The following SATB2 variants were observed in gnomAD, a reference collection of about 807,000 sequenced individuals.
The protein encoded by SATB2 is SATB homeobox 2.
SATB2 carries 1 observed loss-of-function variant against 73.4 expected under a neutral mutation model. The ratio of observed to expected loss-of-function variants is 0.01; its 90% confidence interval spans 0.00 to 0.06. SATB2 has a LOEUF of 0.06. Ranked by LOEUF, SATB2 falls within the 10% of genes least tolerant of loss-of-function variation. SATB2 has a pLI of 1.00. For missense variants in SATB2, 459 were observed against 945.8 expected, an observed-to-expected ratio of 0.49 and a Z score of 6.75; for synonymous variants, 397 against 367.0, an observed-to-expected ratio of 1.08 and a Z score of -0.93.
chr2:199,282,217 T>C (rs530959514), intron 10 of SATB2, among the ~76,000 whole-genome samples: 34 of 152,202 alleles, frequency 2.2e-4, no homozygotes, highest in Non-Finnish European at 3.4e-4. Context: ...TCAGTTACTA[T>C]TCTTGTTCAG....
intron 9 of SATB2, among the ~76,000 whole-genome samples, chr2:199,313,603 A>T (rs1687652370): frequency 6.6e-6 from 1 of 152,196 alleles, no homozygotes; most frequent in South Asian, 2.1e-4. Context: ...CAGTCAAGAT[A>T]TAGTTTGTTT....
chr2:199,378,408 T>C (rs1247797893), intron 5 of SATB2, among the ~76,000 whole-genome samples: 1 of 152,374 alleles, frequency 6.6e-6, no homozygotes, highest in African/African-American at 2.4e-5. Context: ...TCCTAACTTG[T>C]TCTTTGTCCA....
chr2:199,433,123 T>C (rs554579830), intron 3 of SATB2, among the ~76,000 whole-genome samples: 7 of 152,320 alleles, frequency 4.6e-5, no homozygotes, highest in African/African-American at 1.4e-4. Flanking sequence ...CGGTTTGAAA[T>C]GCAAGTTGAT....
chr2:199,344,240 CGAACACACACACA>C (rs1688586323), intron 7 of SATB2, among the ~76,000 whole-genome samples: 1 of 151,906 alleles, frequency 6.6e-6, no homozygotes, highest in Non-Finnish European at 1.5e-5. Flanking sequence ...GACAGATGAA[CGAACACACACACA>C]CAACACACAC....
intron 7 of SATB2, among the ~76,000 whole-genome samples, chr2:199,340,315 T>A (rs1038279438): frequency 6.6e-6 from 1 of 152,214 alleles, no homozygotes; most frequent in Non-Finnish European, 1.5e-5. Flanking sequence ...AAAGGATTTT[T>A]AAAATCCTGT....
intron 6 of SATB2, among the ~76,000 whole-genome samples, chr2:199,366,877 A>G (rs1455850267): frequency 6.7e-6 from 1 of 149,074 alleles, no homozygotes; most frequent in South Asian, 2.1e-4. Context: ...AGAAAAGTAG[A>G]AGATATGAGT....
intron 8 of SATB2, among the ~76,000 whole-genome samples, chr2:199,326,705 A>G (rs1688038694): frequency 6.6e-6 from 1 of 152,154 alleles, no homozygotes; most frequent in Non-Finnish European, 1.5e-5. Context: ...ATTTAGCAGA[A>G]GTAAATATTA....
At chr2:199,338,710 A>T (rs1450124309) in intron 7 of SATB2, among the ~76,000 whole-genome samples, 1 of 152,014 alleles carries the variant, frequency 6.6e-6, no homozygotes, top group Non-Finnish European at 1.5e-5. Flanking sequence ...TGAGCTCAGG[A>T]ATTCTAGACT....
At chr2:199,371,690 T>C (rs1689450612) in intron 5 of SATB2, among the ~76,000 whole-genome samples, 1 of 152,178 alleles carries the variant, frequency 6.6e-6, no homozygotes, top group African/African-American at 2.4e-5. Context: ...TTCCAGTCAT[T>C]CTAAAGCAAC....
At chr2:199,418,323 G>C (rs1691057460) in intron 3 of SATB2, among the ~76,000 whole-genome samples, 1 of 152,154 alleles carries the variant, frequency 6.6e-6, no homozygotes. Flanking sequence ...CCCTCAGTCA[G>C]AACCAGATTG....
chr2:199,318,997 A>C (rs537998317), intron 9 of SATB2, among the ~76,000 whole-genome samples: 1 of 151,860 alleles, frequency 6.6e-6, no homozygotes, highest in East Asian at 1.9e-4. Context: ...TGAGAACTTG[A>C]AACTTTTTTT....
At chr2:199,441,984 C>A (rs1279918790) in intron 2 of SATB2, among the ~76,000 whole-genome samples, 1 of 152,176 alleles carries the variant, frequency 6.6e-6, no homozygotes, top group Non-Finnish European at 1.5e-5. Flanking sequence ...GAACTAAATT[C>A]TCTGATGTCA....
chr2:199,424,386 C>G (rs1000801817), intron 3 of SATB2, among the ~76,000 whole-genome samples: 1 of 152,174 alleles, frequency 6.6e-6, no homozygotes, highest in Non-Finnish European at 1.5e-5. Context: ...AAAACCACCA[C>G]CGAGCTCTTC....
chr2:199,328,972 T>C, intron 7 of SATB2, 62 bp from the exon 8 acceptor site: 1 of 1,279,280 alleles, frequency 7.8e-7, no homozygotes, highest in Non-Finnish European at 1.1e-6. Flanking sequence ...GTGTGGTTTC[T>C]GTCTTCCACC....
At chr2:199,334,569 A>C (rs527447926) in intron 7 of SATB2, among the ~76,000 whole-genome samples, 1 of 152,212 alleles carries the variant, frequency 6.6e-6, no homozygotes, top group South Asian at 2.1e-4. Context: ...AATGTCAAAA[A>C]AAAAAAGGTT....
At chr2:199,343,586 C>T (rs1688566999) in intron 7 of SATB2, among the ~76,000 whole-genome samples, 1 of 152,194 alleles carries the variant, frequency 6.6e-6, no homozygotes, top group Non-Finnish European at 1.5e-5. Context: ...AACAATCTGC[C>T]TGCTGACCTC....
intron 3 of SATB2, among the ~76,000 whole-genome samples, chr2:199,401,515 T>G (rs1690476843): frequency 6.7e-6 from 1 of 150,118 alleles, no homozygotes. Context: ...ACGGCACCAC[T>G]GCACTCCGAG....
At chr2:199,357,376 G>T (rs1689017418) in intron 6 of SATB2, among the ~76,000 whole-genome samples, 1 of 152,130 alleles carries the variant, frequency 6.6e-6, no homozygotes, top group South Asian at 2.1e-4. Context: ...AGTTGAATCA[G>T]CTAGTCACTT....
rs1026448097 is a variant in SATB2, at chr2:199,463,477, G to A, written c.-141+1359C>T. Reference sequence around the variant, plus strand: ...CCAAGGTGGCTGCGAAGAGCCCCGAGGCCTCGGCTTGGCGTCAATGTCCCG... The same window carrying A: ...CCAAGGTGGCTGCGAAGAGCCCCGAAGCCTCGGCTTGGCGTCAATGTCCCG... On this transcript the variant is annotated intron_variant, in intron 1 of 11. Transcript: ENST00000260926. This position sits in a 1 kb window ranked among gnomAD's most constrained non-coding sequence, Gnocchi z 6.4. Among the ~76,000 whole-genome samples, 2 of 152,178 alleles carry A rather than the reference G, an allele frequency of 1.3e-5. No homozygotes were observed. Among genetic ancestry groups the A allele is most frequent in the Non-Finnish European group, 2.9e-5 (2 of 68,038 alleles).
Sources: gnomAD v4.1 joint callset for allele counts (sites outside exome capture counted in the v4.1 genomes callset) on GRCh38, gnomAD v4.1.1 for gene constraint, Gnocchi (gnomAD v3.1) non-coding constraint, MANE v1.5 for transcripts, NCBI Gene and HGNC (gene_info 2026-07-23, HGNC 2026-07-21) for gene names.